Variants in LIPI observed in about 807,000 individuals in gnomAD.
LIPI encodes lipase I, also known as lipase member I.
Under a neutral mutation model 50.6 loss-of-function variants are expected in LIPI, and 59 were observed. The observed-to-expected ratio is 1.16, with a 90% CI of 0.94 to 1.45. LIPI has a LOEUF of 1.45. Ranked by LOEUF, LIPI falls within the 40% of genes most tolerant of loss-of-function variation. The probability of loss-of-function intolerance (pLI) is 0.00; values close to 1 mark genes in which losing one functional copy is unlikely to be tolerated. For missense variants in LIPI, 586 were observed against 536.3 expected, an observed-to-expected ratio of 1.09 and a Z score of -0.92; for synonymous variants, 203 against 178.2, an observed-to-expected ratio of 1.14 and a Z score of -1.11.
At chr21:14,170,745 C>A in intron 4 of LIPI, among the ~76,000 whole-genome samples, 1 of 151,140 alleles carries the variant, frequency 6.6e-6, no homozygotes. Context: ...ATGACAAACC[C>A]ACAGCCAATA....
intron 9 of LIPI, among the ~76,000 whole-genome samples, chr21:14,117,217 C>T (rs1245728456): frequency 6.6e-6 from 1 of 152,162 alleles, no homozygotes; most frequent in Non-Finnish European, 1.5e-5. Flanking sequence ...AAGCCCTTCT[C>T]TACTACAGAC....
rs148615946 is a variant in LIPI at position 14,176,544 on chromosome 21, T to TTA, written c.643+5212_643+5213dup. Among the ~76,000 whole-genome samples, 1,435 of 151,832 alleles carry TTA rather than the reference T, an allele frequency of 9.5e-3. 25 individuals are homozygous for TTA. The highest frequency in any genetic ancestry group is 0.033 in the African/African-American group (1,377 of 41,526). ...ATTATATTATTTATTATTGTATTCA[T>TTA]TAGTTATTTTTAAATGTGATTTTTC... On this transcript the variant is annotated intron_variant, in intron 4 of 9. Transcript: ENST00000681601.
chr21:14,164,597 G>T (rs2018610252), intron 6 of LIPI, among the ~76,000 whole-genome samples: 1 of 152,106 alleles, frequency 6.6e-6, no homozygotes. Flanking sequence ...TGGCATGCTT[G>T]GATCTGGTGC....
intron 1 of LIPI, chr21:14,206,673 G>A (rs757918388): frequency 1.5e-5 from 9 of 588,714 alleles, no homozygotes; most frequent in Admixed American, 1.4e-4. Context: ...GAAAAAAAAC[G>A]GATTTGTTAA....
intron 9 of LIPI, among the ~76,000 whole-genome samples, chr21:14,141,578 G>A (rs893434089): frequency 1.3e-5 from 2 of 151,994 alleles, no homozygotes; most frequent in Admixed American, 1.3e-4. Flanking sequence ...TCTAAATCTT[G>A]ATTGTTATAC....
chr21:14,203,162 A>T (rs1325155643), intron 1 of LIPI, among the ~76,000 whole-genome samples: 1 of 152,188 alleles, frequency 6.6e-6, no homozygotes, highest in African/African-American at 2.4e-5. Context: ...TAGAATGGTG[A>T]TCATTAAAAA....
At chr21:14,155,245 TA>T (rs888519569) in intron 7 of LIPI, among the ~76,000 whole-genome samples, 10 of 151,586 alleles carry the variant, frequency 6.6e-5, no homozygotes, top group Admixed American at 6.6e-4. Context: ...GTAGAGATAA[TA>T]AAAGAAGAAA....
chr21:14,126,983 G>A (rs1190977251), intron 9 of LIPI, among the ~76,000 whole-genome samples: 1 of 152,164 alleles, frequency 6.6e-6, no homozygotes, highest in African/African-American at 2.4e-5. Flanking sequence ...AAAAGAATAA[G>A]TTTTACTGTT....
chr21:14,112,795 T>C (rs1471148158), intron 9 of LIPI, among the ~76,000 whole-genome samples: 1 of 152,150 alleles, frequency 6.6e-6, no homozygotes, highest in Non-Finnish European at 1.5e-5. Flanking sequence ...TAAATAAGCA[T>C]TTAAAATATA....
chr21:14,171,402 C>T (rs1482298507), intron 4 of LIPI, among the ~76,000 whole-genome samples: 5 of 150,566 alleles, frequency 3.3e-5, no homozygotes, highest in African/African-American at 7.3e-5. Flanking sequence ...GAGCCCGCAT[C>T]GCCAAGTCAA....
At chr21:14,168,691 G>T (rs1600890109) in intron 4 of LIPI, among the ~76,000 whole-genome samples, 1 of 152,140 alleles carries the variant, frequency 6.6e-6, no homozygotes, top group Admixed American at 6.5e-5. Context: ...CACCAGGCCT[G>T]CCCTAAAAGA....
chr21:14,156,200 T>A (rs1385962496), intron 7 of LIPI, among the ~76,000 whole-genome samples: 1 of 151,962 alleles, frequency 6.6e-6, no homozygotes, highest in Admixed American at 6.6e-5. Context: ...CAAAGGATAA[T>A]TAAGATTGCA....
chr21:14,185,892 A>G (rs2019436446), intron 3 of LIPI, 69 bp downstream of exon 3: 3 of 980,440 alleles, frequency 3.1e-6, no homozygotes, highest in Non-Finnish European at 4.8e-6. Flanking sequence ...CAAAAAAAAA[A>G]AAATTAGCAA....
At position 14,193,285 on chromosome 21, in the gene LIPI, A is replaced by G. The variant is rs534374941; in HGVS notation, c.47-3866T>C. On this transcript the variant is annotated intron_variant, in intron 1 of 9. Coordinates refer to ENST00000681601, the MANE Select transcript of LIPI (RefSeq NM_001302998.2). ...AAGAGAATCAAAACACGCTGCTACC[A>G]AAAAAATCAATTAAACACAAAGAAA... Among the ~76,000 whole-genome samples the G allele has an allele frequency of 2.0e-5, 3 of 152,228 alleles. No individual in the cohort carries two copies. In the South Asian group the frequency reaches 6.2e-4, roughly 32 times the overall value.
At chr21:14,189,703 G>C (rs2019599182) in intron 1 of LIPI, among the ~76,000 whole-genome samples, 1 of 152,050 alleles carries the variant, frequency 6.6e-6, no homozygotes. Context: ...GCGAAAATAA[G>C]ATTGTTAATA....
intron 1 of LIPI, among the ~76,000 whole-genome samples, chr21:14,197,507 A>G (rs1277714681): frequency 3.3e-5 from 5 of 152,132 alleles, no homozygotes; most frequent in African/African-American, 9.6e-5. Context: ...TAGACCAAGC[A>G]GAGGAAAGAA....
intron 9 of LIPI, among the ~76,000 whole-genome samples, chr21:14,116,086 G>T (rs1315225580): frequency 6.6e-6 from 1 of 152,062 alleles, no homozygotes; most frequent in Non-Finnish European, 1.5e-5. Flanking sequence ...GAGGAGTCCT[G>T]GGGTAGGAGT....
intron 9 of LIPI, among the ~76,000 whole-genome samples, chr21:14,125,296 G>A (rs2017016089): frequency 6.6e-6 from 1 of 152,136 alleles, no homozygotes; most frequent in Non-Finnish European, 1.5e-5. Context: ...AGAAATGTAA[G>A]TATACTATTG....
rs371755788 is a variant in LIPI at position 14,165,350 on chromosome 21, G to A, written c.774C>T (p.His258=). ...FIKCNHQRAV[H]LFMASLETNC... ...TTGTTTCTAAAGATGCCATGAACAAGTGAACTGCTCTCTGGTGGTTGCATT... is the reference window on the plus strand; with the variant it reads ...TTGTTTCTAAAGATGCCATGAACAAATGAACTGCTCTCTGGTGGTTGCATT... The change falls in exon 6 of 10, where the codon CAC becomes CAT. Residue 258 remains histidine (H), a synonymous_variant. Coordinates refer to ENST00000681601, the MANE Select transcript of LIPI (RefSeq NM_001302998.2). 1.7e-5 allele frequency: 27 copies of A among 1,612,420 alleles called. No homozygotes were observed. Among genetic ancestry groups the A allele is most frequent in the Non-Finnish European group, 2.2e-5 (26 of 1,178,928 alleles).
Sources: allele counts gnomAD v4.1 joint callset (sites outside exome capture counted in the v4.1 genomes callset), GRCh38; gene constraint gnomAD v4.1.1; transcripts MANE v1.5; gene names NCBI Gene and HGNC (gene_info 2026-07-23, HGNC 2026-07-21).